Variants in RSPH6A observed in about 807,000 individuals in gnomAD.
RSPH6A encodes the protein radial spoke head 6 homolog A.
A neutral mutation model predicts 66.1 loss-of-function variants in RSPH6A; 49 were observed. That is an observed-to-expected ratio of 0.74 (90% CI 0.59 to 0.94). The LOEUF (loss-of-function observed/expected upper bound fraction) is 0.94, where lower values mean the gene tolerates loss of function less well. RSPH6A is among the 40% of genes least tolerant of loss of function. RSPH6A has a pLI of 0.00. For missense variants in RSPH6A, 977 were observed against 948.3 expected, an observed-to-expected ratio of 1.03 and a Z score of -0.40; for synonymous variants, 419 against 402.4, an observed-to-expected ratio of 1.04 and a Z score of -0.49.
chr19:45,798,470 G>A (rs1245482570), intron 5 of RSPH6A, among the ~76,000 whole-genome samples: 1 of 151,250 alleles, frequency 6.6e-6, no homozygotes, highest in African/African-American at 2.4e-5. Flanking sequence ...AGGCCAGGAG[G>A]TGGAGGCTGC....
At chr19:45,803,019 T>G (rs925258499) in intron 3 of RSPH6A, among the ~76,000 whole-genome samples, 16 of 149,376 alleles carry the variant, frequency 1.1e-4, no homozygotes, top group Admixed American at 6.0e-4. Context: ...CCATCCTGGC[T>G]AACACGGTGA....
chr19:45,810,473 A>C, intron 2 of RSPH6A, 130 bp downstream of exon 2: 1 of 878,292 alleles, frequency 1.1e-6, no homozygotes, highest in Non-Finnish European at 1.8e-6. Context: ...TCCTGCCAAG[A>C]CTGAAGTTGT....
intron 3 of RSPH6A, among the ~76,000 whole-genome samples, chr19:45,803,192 GA>G (rs1193151839): frequency 2.9e-5 from 4 of 138,564 alleles, no homozygotes; most frequent in Non-Finnish European, 6.2e-5. Flanking sequence ...CTGGGCAATA[GA>G]GCGAGACTCC....
chr19:45,814,776 A>G lies in RSPH6A; in HGVS notation c.401T>C (p.Leu134Pro). 6.2e-7 allele frequency: 1 copy of G among 1,613,824 alleles called. No homozygotes were observed. The highest frequency in any genetic ancestry group is 1.6e-4 in the Middle Eastern group (1 of 6,062). The part of the protein sequence containing the change: ...QQGQSSLFQQ[L>P]DPTFQEPPVN... ...TGGGGGCTCCTGGAAGGTGGGGTCC[A>G]GTTGCTGGAACAGGCTGCTTTGGCC... Residue 134 changes from leucine (L) to proline (P), a missense_variant, in exon 1 of 6, where the codon CTG becomes CCG. Coordinates refer to ENST00000221538, the MANE Select transcript of RSPH6A (RefSeq NM_030785.4).
chr19:45,802,650 T>A (rs1221671735), intron 3 of RSPH6A, among the ~76,000 whole-genome samples: 1 of 151,016 alleles, frequency 6.6e-6, no homozygotes, highest in Non-Finnish European at 1.5e-5. Context: ...GGATTACAGG[T>A]GCCTGACACC....
intron 1 of RSPH6A, chr19:45,811,062 C>T (rs1316371626): frequency 1.7e-5 from 6 of 352,014 alleles, no homozygotes; most frequent in Admixed American, 1.4e-4. Context: ...TGGTTCATCT[C>T]GGCTCACTGC....
At position 45,796,012 on chromosome 19, in the gene RSPH6A, T is replaced by C. The variant is rs113672692; in HGVS notation, c.2011A>G (p.Ser671Gly). The stretch of plus-strand genomic sequence containing the variant: ...CTCATCTCCATGATCTCTGGGCCAC[T>C]GGGGTACTCTTGTTGAATGGGGGCT... ...LPAPIQQEYP[S>G]GPEIMEMSDP... The change falls in exon 6 of 6, where the codon AGT (serine) becomes GGT (glycine). Residue 671 changes from serine (S) to glycine (G), a missense_variant. Physicochemically the swap from Ser to Gly is moderately conservative, Grantham distance 56. Transcript: ENST00000221538. 22 of 1,613,878 alleles carry C rather than the reference T, an allele frequency of 1.4e-5. No homozygotes were observed. In the African/African-American group the frequency reaches 2.3e-4, roughly 17 times the overall value.
In RSPH6A at chr19:45,804,717, C is replaced by T; in HGVS notation, c.1188G>A (p.Glu396=). 4 of 1,613,758 alleles carry T rather than the reference C, an allele frequency of 2.5e-6. No individual in the cohort carries two copies. Among genetic ancestry groups the T allele is most frequent in the Non-Finnish European group, 3.4e-6 (4 of 1,179,858 alleles). The change falls in exon 3 of 6, where the codon GAG becomes GAA. Residue 396 remains glutamate, a synonymous_variant. Coordinates refer to ENST00000221538, the MANE Select transcript of RSPH6A (RefSeq NM_030785.4). The surrounding 1 kb of genome is among the most constrained non-coding windows in gnomAD (Gnocchi z 5.8). ...AHGEEEGEED[E]EKAVDIVPKS... is the part of the protein sequence containing the mutation. ...TAGGGACGATGTCCACGGCCTTCTC[C>T]TCGTCCTCCTCGCCCTCCTCCTCGC...
At chr19:45,803,729 A>T (rs1463328778) in intron 3 of RSPH6A, among the ~76,000 whole-genome samples, 1 of 151,492 alleles carries the variant, frequency 6.6e-6, no homozygotes, top group East Asian at 1.9e-4. Flanking sequence ...GCAGTGGCTC[A>T]TGTCTATAAT....
chr19:45,796,078 C>A lies in RSPH6A; in HGVS notation c.1945G>T (p.Gly649Cys), dbSNP rs1221600111. 3.1e-6 allele frequency: 5 copies of A among 1,594,330 alleles called. No homozygotes were observed. The African/African-American group carries it at 5.4e-5, about 17-fold the overall frequency. ...AAGCTCTCGGGGCTGTACTTGTGAC[C>A]CCAGCCGATGTAGATGTTCTCAAAC... ...KKFENIYIGW[G>C]HKYSPESFNP... The change falls in exon 6 of 6, where the codon GGT becomes TGT. Residue 649 changes from glycine (G) to cysteine (C), a missense_variant. Gly to Cys is a radical substitution (Grantham distance 159). Transcript: ENST00000221538.
At chr19:45,798,873 A>C (rs551893548) in intron 5 of RSPH6A, among the ~76,000 whole-genome samples, 1 of 148,380 alleles carries the variant, frequency 6.7e-6, no homozygotes, top group South Asian at 2.2e-4. Context: ...AAAAACAAAA[A>C]CAATGGAACA....
chr19:45,810,881 C>A, intron 1 of RSPH6A, 41 bp from the exon 2 acceptor site: 9 of 1,529,922 alleles, frequency 5.9e-6, no homozygotes, highest in Non-Finnish European at 8.0e-6. Context: ...GGACCTCACT[C>A]ACTCAGCTCA....
rs752714782 is a variant in RSPH6A at position 45,814,736 on chromosome 19, G to A, written c.441C>T (p.Gly147=). 4.3e-6 allele frequency: 7 copies of A among 1,613,702 alleles called. No homozygotes were observed. The highest frequency in any genetic ancestry group is 3.3e-5 in the Admixed American group (2 of 59,958). Residue 147 remains glycine (G), a synonymous_variant, in exon 1 of 6, where the codon GGC becomes GGT. Transcript: ENST00000221538. ...TFQEPPVNPL[G]QFNLYQTDQF... is the part of the protein sequence containing the mutation. ...GGTCTGTCTGGTAGAGGTTGAACTG[G>A]CCCAAGGGGTTGACTGGGGGCTCCT...
chr19:45,804,741 G>A lies in RSPH6A; in HGVS notation c.1164C>T (p.Gly388=), dbSNP rs758489894. The change falls in exon 3 of 6, where the codon GGC becomes GGT. Residue 388 remains glycine (G), a synonymous_variant. Transcript: ENST00000221538. This position sits in a 1 kb window ranked among gnomAD's most constrained non-coding sequence, Gnocchi z 5.8. Reference sequence around the variant, plus strand: ...CCTCGTCCTCCTCGCCCTCCTCCTCGCCGTGCGCCTCCATGACCTCGCCAC... The same window carrying A: ...CCTCGTCCTCCTCGCCCTCCTCCTCACCGTGCGCCTCCATGACCTCGCCAC... The part of the protein sequence containing the change: ...TEGGEVMEAH[G]EEEGEEDEEK... The A allele has an allele frequency of 8.7e-6, 14 of 1,610,070 alleles. No individual in the cohort carries two copies. Among genetic ancestry groups the A allele is most frequent in the East Asian group, 6.7e-5 (3 of 44,810 alleles).
chr19:45,800,430 C>T lies in RSPH6A; in HGVS notation c.1916+16G>A. 1.9e-6 allele frequency: 3 copies of T among 1,606,274 alleles called. No individual in the cohort carries two copies. Among genetic ancestry groups the T allele is most frequent in the Non-Finnish European group, 2.6e-6 (3 of 1,174,644 alleles). ...TGAGAGATTCTCCTGCTGGGAGGGG[C>T]TGGGGGAAGACCTACTTGCCACTGG... On this transcript the variant is annotated intron_variant, in intron 5 of 5. Coordinates refer to ENST00000221538, the MANE Select transcript of RSPH6A (RefSeq NM_030785.4).
intron 2 of RSPH6A, among the ~76,000 whole-genome samples, chr19:45,807,695 G>A (rs1190746486): frequency 6.6e-6 from 1 of 151,902 alleles, no homozygotes; most frequent in Non-Finnish European, 1.5e-5. Context: ...ATTTTTAGTA[G>A]AGACAGGGTT....
rs747281514 is a variant in RSPH6A, at chr19:45,804,418, G to A, written c.1487C>T (p.Pro496Leu). ...ARISAATQVS[P>L]LGFYQFSEEE... ...CTCACTAAACTGGTAGAAGCCCAGCGGGCTGACCTGCGTGGCGGCCGAGAT... is the reference window on the plus strand; with the variant it reads ...CTCACTAAACTGGTAGAAGCCCAGCAGGCTGACCTGCGTGGCGGCCGAGAT... Residue 496 changes from proline to leucine, a missense_variant, in exon 3 of 6, where the codon CCG becomes CTG. Coordinates refer to ENST00000221538, the MANE Select transcript of RSPH6A (RefSeq NM_030785.4). This position sits in a 1 kb window ranked among gnomAD's most constrained non-coding sequence, Gnocchi z 5.8. 1.2e-5 allele frequency: 20 copies of A among 1,613,750 alleles called. No individual in the cohort carries two copies. Among genetic ancestry groups the A allele is most frequent in the Non-Finnish European group, 1.6e-5 (19 of 1,180,004 alleles).
At chr19:45,802,822 T>C (rs549158226) in intron 3 of RSPH6A, among the ~76,000 whole-genome samples, 2 of 150,372 alleles carry the variant, frequency 1.3e-5, no homozygotes, top group East Asian at 4.0e-4. Flanking sequence ...ATTGATTCTT[T>C]TCTTTTTTTT....
In RSPH6A at chr19:45,814,723, A is replaced by G; in HGVS notation, c.454T>C (p.Tyr152His). Residue 152 changes from tyrosine (Y) to histidine (H), a missense_variant, in exon 1 of 6, where the codon TAC (tyrosine) becomes CAC (histidine). Transcript: ENST00000221538. ...PVNPLGQFNL[Y>H]QTDQFSEGAQ... Reference sequence around the variant, plus strand: ...CCTTCAGAGAACTGGTCTGTCTGGTAGAGGTTGAACTGGCCCAAGGGGTTG... The same window carrying G: ...CCTTCAGAGAACTGGTCTGTCTGGTGGAGGTTGAACTGGCCCAAGGGGTTG... The G allele has an allele frequency of 6.2e-7, 1 of 1,613,668 alleles. No individual in the cohort carries two copies. Among genetic ancestry groups the G allele is most frequent in the Non-Finnish European group, 8.5e-7 (1 of 1,179,780 alleles).
Sources: gnomAD v4.1 joint callset for allele counts (sites outside exome capture counted in the v4.1 genomes callset) on GRCh38, gnomAD v4.1.1 for gene constraint, Gnocchi (gnomAD v3.1) non-coding constraint, MANE v1.5 for transcripts, NCBI Gene and HGNC (gene_info 2026-07-23, HGNC 2026-07-21) for gene names.